Variants in ZNF804B observed in about 807,000 individuals in gnomAD.
The protein encoded by ZNF804B is zinc finger protein 804B, also known as zinc finger 804B.
ZNF804B carries 80 observed loss-of-function variants against 101.4 expected under a neutral mutation model. The observed-to-expected ratio is 0.79, with a 90% CI of 0.66 to 0.95. ZNF804B has a LOEUF of 0.95. Ranked by LOEUF, ZNF804B falls within the 40% of genes least tolerant of loss-of-function variation. The probability of loss-of-function intolerance (pLI) is 0.00; values close to 1 mark genes in which losing one functional copy is unlikely to be tolerated. For synonymous variants in ZNF804B, 622 were observed against 558.8 expected, an observed-to-expected ratio of 1.11 and a Z score of -1.59; for missense variants, 1,673 against 1,561.9, an observed-to-expected ratio of 1.07 and a Z score of -1.20.
intron 1 of ZNF804B, among the ~76,000 whole-genome samples, chr7:89,207,328 A>G (rs922370097): frequency 6.6e-6 from 1 of 152,204 alleles, no homozygotes; most frequent in African/African-American, 2.4e-5. Context: ...CACAATCATG[A>G]CAGGAGGTTA....
At chr7:89,153,483 T>C (rs910032832) in intron 1 of ZNF804B, among the ~76,000 whole-genome samples, 3 of 151,238 alleles carry the variant, frequency 2.0e-5, no homozygotes, top group Admixed American at 6.6e-5. Context: ...TATTTTCTTT[T>C]TCTGAATAGA....
intron 1 of ZNF804B, among the ~76,000 whole-genome samples, chr7:88,938,320 G>A (rs1414759580): frequency 6.6e-6 from 1 of 152,108 alleles, no homozygotes; most frequent in East Asian, 1.9e-4. Flanking sequence ...TCAGATCTTA[G>A]TTAATCTCTT....
chr7:88,807,758 A>C (rs1790714804), intron 1 of ZNF804B, among the ~76,000 whole-genome samples: 1 of 152,190 alleles, frequency 6.6e-6, no homozygotes, highest in African/African-American at 2.4e-5. Flanking sequence ...TTGCAACATG[A>C]TTTTGGGATT....
chr7:89,279,530 A>G (rs1337725093), intron 2 of ZNF804B, among the ~76,000 whole-genome samples: 5 of 151,894 alleles, frequency 3.3e-5, no homozygotes, highest in South Asian at 4.2e-4. Context: ...CGTCCCATCA[A>G]TACCTAATTT....
At position 89,334,583 on chromosome 7, in the gene ZNF804B, C is replaced by A; in HGVS notation, c.1601C>A (p.Pro534Gln). ...QKLIQEDYQY[P>Q]KPKTMIANPD... is the part of the protein sequence containing the mutation. ...TTGATCCAAGAAGATTATCAATATC[C>A]GAAACCAAAGACGATGATAGCTAAT... The change falls in exon 4 of 4, where the codon CCG (proline) becomes CAG (glutamine). Residue 534 changes from proline (P) to glutamine (Q), a missense_variant. Transcript: ENST00000333190. The A allele has an allele frequency of 6.2e-7, 1 of 1,613,668 alleles. No individual in the cohort carries two copies. The highest frequency in any genetic ancestry group is 1.1e-5 in the South Asian group (1 of 91,068).
intron 2 of ZNF804B, among the ~76,000 whole-genome samples, chr7:89,275,751 C>T (rs1262063657): frequency 6.6e-6 from 1 of 151,870 alleles, no homozygotes; most frequent in Non-Finnish European, 1.5e-5. Context: ...AGATATTTTA[C>T]TTATGAACTT....
At chr7:89,283,173 A>G (rs1338045775) in intron 2 of ZNF804B, among the ~76,000 whole-genome samples, 1 of 152,202 alleles carries the variant, frequency 6.6e-6, no homozygotes, top group East Asian at 1.9e-4. Context: ...TCCTGAAAGT[A>G]ATCCCAATGT....
intron 1 of ZNF804B, among the ~76,000 whole-genome samples, chr7:88,924,754 T>G (rs889600170): frequency 6.6e-6 from 1 of 152,184 alleles, no homozygotes; most frequent in Non-Finnish European, 1.5e-5. Context: ...TTCTCATTAC[T>G]GTGTATTATG....
intron 1 of ZNF804B, among the ~76,000 whole-genome samples, chr7:88,992,654 A>G (rs2116156295): frequency 6.6e-6 from 1 of 152,224 alleles, no homozygotes; most frequent in Non-Finnish European, 1.5e-5. Context: ...TCATTAACTC[A>G]AAGTCAACTG....
intron 1 of ZNF804B, among the ~76,000 whole-genome samples, chr7:88,880,864 T>C (rs1271951184): frequency 1.3e-5 from 2 of 152,124 alleles, no homozygotes; most frequent in African/African-American, 2.4e-5. Flanking sequence ...CTAACATCTA[T>C]TACCTTAATT....
intron 2 of ZNF804B, among the ~76,000 whole-genome samples, chr7:89,272,059 C>G (rs1789907063): frequency 6.6e-6 from 1 of 151,942 alleles, no homozygotes; most frequent in African/African-American, 2.4e-5. Context: ...TTAAATTATT[C>G]TCATTTTTTC....
At chr7:89,014,119 G>T (rs571643684) in intron 1 of ZNF804B, among the ~76,000 whole-genome samples, 152 of 152,210 alleles carry the variant, frequency 1.0e-3, no homozygotes, top group Non-Finnish European at 1.9e-3. Flanking sequence ...AGTTTTTTAG[G>T]AGCCTCTATA....
intron 2 of ZNF804B, among the ~76,000 whole-genome samples, chr7:89,305,209 G>A (rs1197138103): frequency 6.6e-6 from 1 of 151,934 alleles, no homozygotes; most frequent in African/African-American, 2.4e-5. Flanking sequence ...AGCTTTATAT[G>A]TTTGCTCTTA....
chr7:89,168,810 A>G (rs1257528333), intron 1 of ZNF804B, among the ~76,000 whole-genome samples: 1 of 151,304 alleles, frequency 6.6e-6, no homozygotes, highest in Non-Finnish European at 1.5e-5. Context: ...TCTTCAAAGT[A>G]CAGTGAGAAC....
intron 1 of ZNF804B, among the ~76,000 whole-genome samples, chr7:89,098,981 C>T (rs564447646): frequency 1.3e-5 from 2 of 149,820 alleles, no homozygotes; most frequent in South Asian, 4.2e-4. Flanking sequence ...TGAATGAAAA[C>T]TATAATTCAA....
intron 2 of ZNF804B, among the ~76,000 whole-genome samples, chr7:89,257,440 G>A (rs1195388261): frequency 6.6e-6 from 1 of 151,874 alleles, no homozygotes; most frequent in African/African-American, 2.4e-5. Flanking sequence ...TAATCTCTGA[G>A]TCCTAATTTA....
rs538909168 is a variant in ZNF804B at position 89,327,256 on chromosome 7, T to C, written c.250-88T>C. 5.3e-6 allele frequency: 7 copies of C among 1,308,644 alleles called. No homozygotes were observed. In the East Asian group the frequency reaches 1.9e-4, roughly 35 times the overall value. The allele number at this position is 1,308,644 out of a possible 1,614,324, so 81.1% of individuals were successfully genotyped here. On this transcript the variant is annotated intron_variant, in intron 2 of 3. Transcript: ENST00000333190. ...CTGCCCAGAAAGTCACCTCTGCACT[T>C]AGGATAAAGAATAATAAGGAGCCTT... is the stretch of plus-strand genomic sequence containing the variant.
At position 89,171,288 on chromosome 7, in the gene ZNF804B, G is replaced by GCTTCTTCTTCTTCTT. The variant is rs1203060273; in HGVS notation, c.109-46811_109-46797dup. On this transcript the variant is annotated intron_variant, in intron 1 of 3. Transcript: ENST00000333190. ...AGTAGGCACAAATAATGCTGCTGCT[G>GCTTCTTCTTCTTCTT]CTTCTTCTTCTTCTTCTTCTTCTTC... 8.2e-3 allele frequency among the ~76,000 whole-genome samples: 674 copies of GCTTCTTCTTCTTCTT among 82,446 alleles called. 5 individuals are homozygous for GCTTCTTCTTCTTCTT. Among genetic ancestry groups the GCTTCTTCTTCTTCTT allele is most frequent in the Non-Finnish European group, 0.012 (461 of 38,620 alleles). 54.1% of individuals were successfully genotyped at this position (82,446 alleles called of 152,430 possible). A position where few individuals can be genotyped will look rare whatever the true frequency, so the allele number is the denominator to read the frequency against.
intron 1 of ZNF804B, among the ~76,000 whole-genome samples, chr7:89,017,436 C>T (rs1788586466): frequency 6.6e-6 from 1 of 152,142 alleles, no homozygotes; most frequent in Non-Finnish European, 1.5e-5. Flanking sequence ...GGAATGCTTC[C>T]AGTTTTTGCC....
Sources: gnomAD v4.1 joint callset for allele counts (sites outside exome capture counted in the v4.1 genomes callset) on GRCh38, gnomAD v4.1.1 for gene constraint, MANE v1.5 for transcripts, NCBI Gene and HGNC (gene_info 2026-07-23, HGNC 2026-07-21) for gene names.